Variants in SLC8A1 observed in about 807,000 individuals in gnomAD.
SLC8A1 encodes sodium/calcium exchanger 1.
In SLC8A1, 18 loss-of-function variants were observed where a neutral mutation model predicts 68.3. That is an observed-to-expected ratio of 0.26 (90% CI 0.18 to 0.39). The LOEUF (loss-of-function observed/expected upper bound fraction) is 0.39. SLC8A1 is among the 10% of genes least tolerant of loss of function. SLC8A1 has a pLI of 1.00. For synonymous variants in SLC8A1, 475 were observed against 415.5 expected, an observed-to-expected ratio of 1.14 and a Z score of -1.74; for missense variants, 985 against 1,156.7, an observed-to-expected ratio of 0.85 and a Z score of 2.15.
At chr2:40,141,144 C>T (rs545496416) in intron 6 of SLC8A1, among the ~76,000 whole-genome samples, 13 of 152,240 alleles carry the variant, frequency 8.5e-5, no homozygotes, top group East Asian at 1.9e-4. Flanking sequence ...CTAGTGCAGC[C>T]GGCAGTAGGT....
chr2:40,367,486 A>T (rs542844967), intron 2 of SLC8A1, among the ~76,000 whole-genome samples: 3 of 152,128 alleles, frequency 2.0e-5, no homozygotes, highest in Non-Finnish European at 4.4e-5. Context: ...CTTTTATAAT[A>T]AGTATTGGTA....
intron 2 of SLC8A1, among the ~76,000 whole-genome samples, chr2:40,421,306 G>T (rs1431296439): frequency 3.3e-5 from 5 of 152,050 alleles, no homozygotes; most frequent in African/African-American, 1.2e-4. Flanking sequence ...CAGAACCTCA[G>T]TAACTGGCTG....
At chr2:40,430,571 G>A (rs1698051301) in intron 1 of SLC8A1, among the ~76,000 whole-genome samples, 1 of 152,096 alleles carries the variant, frequency 6.6e-6, no homozygotes, top group African/African-American at 2.4e-5. Flanking sequence ...CCCATTCACT[G>A]AGCAAGATAC....
intron 2 of SLC8A1, among the ~76,000 whole-genome samples, chr2:40,403,724 T>A (rs1240838271): frequency 6.6e-6 from 1 of 152,180 alleles, no homozygotes; most frequent in South Asian, 2.1e-4. Flanking sequence ...TGAAGAACAT[T>A]TATTGTGCAA....
In SLC8A1 at chr2:40,425,709, A is replaced by G. The variant is rs551212767; in HGVS notation, c.1808+2764T>C. ...CATTCTTAAAGATAAGTTGGGTTTAATCTACATAGTCTGACTCCATTGCAC... is the reference window on the plus strand; with the variant it reads ...CATTCTTAAAGATAAGTTGGGTTTAGTCTACATAGTCTGACTCCATTGCAC... On this transcript the variant is annotated intron_variant, in intron 2 of 7. Transcript: ENST00000406785. Among the ~76,000 whole-genome samples, 87 of 151,972 alleles carry G rather than the reference A, an allele frequency of 5.7e-4. 3 individuals carry two copies. The South Asian group carries it at 0.017, about 30-fold the overall frequency.
At chr2:40,169,930 G>C (rs1483619675) in intron 4 of SLC8A1, among the ~76,000 whole-genome samples, 2 of 152,172 alleles carry the variant, frequency 1.3e-5, no homozygotes, top group Non-Finnish European at 2.9e-5. Context: ...GAGTGACAGA[G>C]AGAATCCCCA....
At chr2:40,129,979 C>T (rs1350505274) in intron 7 of SLC8A1, among the ~76,000 whole-genome samples, 1 of 152,206 alleles carries the variant, frequency 6.6e-6, no homozygotes, top group African/African-American at 2.4e-5. Flanking sequence ...TCCCTGCTCC[C>T]TGGACCACCT....
intron 2 of SLC8A1, among the ~76,000 whole-genome samples, chr2:40,307,824 G>A (rs572960336): frequency 6.6e-6 from 1 of 152,232 alleles, no homozygotes; most frequent in African/African-American, 2.4e-5. Context: ...CTTCCAGGGG[G>A]AAATGGATAG....
intron 6 of SLC8A1, among the ~76,000 whole-genome samples, chr2:40,149,686 A>T (rs893724837): frequency 1.3e-5 from 2 of 152,144 alleles, no homozygotes; most frequent in African/African-American, 4.8e-5. Flanking sequence ...CAATTTCTCC[A>T]TTTCTTGTAA....
chr2:40,305,275 G>A (rs1468379960), intron 2 of SLC8A1, among the ~76,000 whole-genome samples: 2 of 152,178 alleles, frequency 1.3e-5, no homozygotes, highest in African/African-American at 4.8e-5. Flanking sequence ...TTCATAGCCT[G>A]GAGCAGTTTT....
exon 8 of SLC8A1, chr2:40,107,296 A>AAAAAAAAAAAG (rs1558384318): frequency 7.4e-6 from 1 of 135,246 alleles, no homozygotes; most frequent in African/African-American, 2.5e-5. Flanking sequence ...AAAAAAAAAA[A>AAAAAAAAAAAG]AAAGAAAATG....
intron 2 of SLC8A1, chr2:40,255,086 T>G (rs1473769729): frequency 1.3e-5 from 2 of 152,156 alleles, no homozygotes. Flanking sequence ...TTAGATGCCA[T>G]TTCTCTATGT....
intron 2 of SLC8A1, among the ~76,000 whole-genome samples, chr2:40,382,391 G>T (rs952545434): frequency 1.2e-5 from 1 of 82,414 alleles, no homozygotes; most frequent in Non-Finnish European, 2.0e-5. Context: ...TTTGCCAAGG[G>T]TTAGTATTTT....
rs142737046 is a variant in SLC8A1 at position 40,141,844 on chromosome 2, G to C, written c.2162-2168C>G. Among the ~76,000 whole-genome samples the C allele has an allele frequency of 6.4e-4, 97 of 152,224 alleles. 1 individual carries two copies. The East Asian group carries it at 0.015, about 24-fold the overall frequency. On this transcript the variant is annotated intron_variant, in intron 6 of 7. Transcript: ENST00000406785. The stretch of plus-strand genomic sequence containing the variant: ...CTGGTGTCCTTATAATAGGAAATTG[G>C]GATGCACAGGGAGATACCAGGGATG...
At chr2:40,150,858 G>A (rs542830384) in intron 6 of SLC8A1, among the ~76,000 whole-genome samples, 2 of 152,064 alleles carry the variant, frequency 1.3e-5, no homozygotes, top group African/African-American at 2.4e-5. Context: ...TTCTGGAAGT[G>A]GAAACTGTAG....
intron 1 of SLC8A1, among the ~76,000 whole-genome samples, chr2:40,510,804 A>G (rs1168472017): frequency 6.6e-6 from 1 of 152,164 alleles, no homozygotes. Flanking sequence ...CTCTCAATGT[A>G]AATAGGCATA....
chr2:40,430,287 T>C, exon 2 of SLC8A1: 1 of 1,599,008 alleles, frequency 6.3e-7, no homozygotes, highest in Non-Finnish European at 8.5e-7. Flanking sequence ...ACATGACACT[T>C]CCAACTGTCA....
chr2:40,392,683 G>A (rs1685684471), intron 2 of SLC8A1, among the ~76,000 whole-genome samples: 2 of 151,960 alleles, frequency 1.3e-5, no homozygotes, highest in African/African-American at 4.8e-5. Flanking sequence ...CCTTTAAATT[G>A]CCTTCTTCAC....
chr2:40,185,426 G>C (rs1026925400), intron 2 of SLC8A1, among the ~76,000 whole-genome samples: 1 of 152,228 alleles, frequency 6.6e-6, no homozygotes, highest in Non-Finnish European at 1.5e-5. Flanking sequence ...GAATGATGTA[G>C]TGATACATGC....
Sources: allele counts gnomAD v4.1 joint callset (sites outside exome capture counted in the v4.1 genomes callset), GRCh38; gene constraint gnomAD v4.1.1; transcripts MANE v1.5; gene names NCBI Gene and HGNC (gene_info 2026-07-23, HGNC 2026-07-21).